Variants in METTL1 observed in about 807,000 individuals in gnomAD.
METTL1 encodes the protein methyltransferase 1, tRNA methylguanosine.
In METTL1, 14 loss-of-function variants were observed where a neutral mutation model predicts 27.7. The ratio of observed to expected loss-of-function variants is 0.51; its 90% confidence interval spans 0.33 to 0.79. METTL1 has a LOEUF of 0.79. Ranked by LOEUF, METTL1 falls within the 30% of genes least tolerant of loss-of-function variation. The pLI, the probability that METTL1 is intolerant of heterozygous loss-of-function variation, is 0.02. For synonymous variants in METTL1, 138 were observed against 137.0 expected (o/e 1.01, Z -0.05); for missense variants, 333 against 359.6 (o/e 0.93, Z 0.60).
At position 57,769,380 on chromosome 12, in the gene METTL1, C is replaced by T; in HGVS notation, c.598G>A (p.Val200Met). Residue 200 changes from valine to methionine, a missense_variant, in exon 5 of 6, where the codon GTG becomes ATG. Val to Met is a conservative substitution (Grantham distance 21, BLOSUM62 1). Transcript: ENST00000324871. Reference sequence around the variant, plus strand: ...CACATCCAGTCGTGTAGCTCCAGCACATCGGTTATGGTATACACCAGCCCC... The same window carrying T: ...CACATCCAGTCGTGTAGCTCCAGCATATCGGTTATGGTATACACCAGCCCC... ...VGGLVYTITD[V>M]LELHDWMCTH... 2 of 1,614,190 alleles carry T rather than the reference C, an allele frequency of 1.2e-6. No homozygotes were observed. The highest frequency in any genetic ancestry group is 1.7e-6 in the Non-Finnish European group (2 of 1,180,050).
chr12:57,769,323 G>A lies in METTL1; in HGVS notation c.655C>T (p.Arg219Cys), dbSNP rs776975890. Residue 219 changes from arginine (R) to cysteine (C), a missense_variant, in exon 5 of 6, where the codon CGT (arginine) becomes TGT (cysteine). Transcript: ENST00000324871. ...CTCACCAGGTCCTCCAGAGGCACAC[G>A]CTCAAACAGTGGGTGCTCTTCGAAA... ...THFEEHPLFE[R>C]VPLEDLSEDP... 49 of 1,613,984 alleles carry A rather than the reference G, an allele frequency of 3.0e-5. No individual in the cohort carries two copies. The highest frequency in any genetic ancestry group is 5.0e-5 in the Admixed American group (3 of 59,982).
At position 57,769,951 on chromosome 12, in the gene METTL1, G is replaced by A. The variant is rs769712951; in HGVS notation, c.280C>T (p.Leu94=). 5 of 1,604,130 alleles carry A rather than the reference G, an allele frequency of 3.1e-6. No homozygotes were observed. The highest frequency in any genetic ancestry group is 3.4e-6 in the Non-Finnish European group (4 of 1,173,992). ...GCGYGGLLVE[L]SPLFPDTLIL... is the part of the protein sequence containing the mutation. Reference sequence around the variant, plus strand: ...AGTGTGTCTGGGAACAGCGGTGACAGTTCCACTGCACACAGAAATAGCAAT... The same window carrying A: ...AGTGTGTCTGGGAACAGCGGTGACAATTCCACTGCACACAGAAATAGCAAT... Residue 94 remains leucine, a synonymous_variant, in exon 3 of 6, where the codon CTG becomes TTG. Coordinates refer to ENST00000324871, the MANE Select transcript of METTL1 (RefSeq NM_005371.6).
chr12:57,769,764 C>T lies in METTL1; in HGVS notation c.459+8G>A. 6.2e-7 allele frequency: 1 copy of T among 1,614,036 alleles called. No individual in the cohort carries two copies. Among genetic ancestry groups the T allele is most frequent in the Non-Finnish European group, 8.5e-7 (1 of 1,179,892 alleles). ...CTACCAGCCTAACCCACCAGGGCCCCTCCCCACCTGGCCCTTGTAGAAGAA... is the reference window on the plus strand; with the variant it reads ...CTACCAGCCTAACCCACCAGGGCCCTTCCCCACCTGGCCCTTGTAGAAGAA... On this transcript the variant is annotated splice_region_variant and intron_variant, in intron 3 of 5. Coordinates refer to ENST00000324871, the MANE Select transcript of METTL1 (RefSeq NM_005371.6).
At chr12:57,771,671 T>C (rs1955434294) in intron 1 of METTL1, 1 of 1,514,416 alleles carries the variant, frequency 6.6e-7, no homozygotes, top group Non-Finnish European at 8.8e-7. Flanking sequence ...TTTTATTAAA[T>C]CCAACAAACA....
chr12:57,771,339 T>A, intron 1 of METTL1, 82 bp from the exon 2 acceptor site: 1 of 1,409,878 alleles, frequency 7.1e-7, no homozygotes. Flanking sequence ...TGTGGGTGGG[T>A]GAGGGTGGGA....
Position 57,771,132 on chromosome 12 carries a change from T to C in METTL1, c.236A>G (p.Glu79Gly). ...KKEKRAQAQV[E>G]FADIGCGYGG... ...ATAGCCACAGCCTATGTCTGCAAAC[T>C]CCACTTGGGCCTGAGCTCTCTTTTC... The change falls in exon 2 of 6, where the codon GAG becomes GGG. Residue 79 changes from glutamate to glycine, a missense_variant. By Grantham distance (98) the Glu-to-Gly change is moderately conservative (BLOSUM62 -2). Transcript: ENST00000324871. 1 of 1,614,126 alleles carries C rather than the reference T, an allele frequency of 6.2e-7. No individual in the cohort carries two copies. Among genetic ancestry groups the C allele is most frequent in the Admixed American group, 1.7e-5 (1 of 60,016 alleles).
chr12:57,771,725 CT>C, intron 1 of METTL1: 1 of 1,405,406 alleles, frequency 7.1e-7, no homozygotes, highest in Non-Finnish European at 9.5e-7. Context: ...TCACTTCAGT[CT>C]CAGTAACAAT....
rs138733919 is a variant in METTL1, at chr12:57,769,924, T to A, written c.307A>T (p.Ile103Phe). The A allele has an allele frequency of 2.5e-6, 4 of 1,612,422 alleles. No individual in the cohort carries two copies. In the African/African-American group the frequency reaches 5.3e-5, roughly 22 times the overall value. Residue 103 changes from isoleucine to phenylalanine, a missense_variant, in exon 3 of 6, where the codon ATT becomes TTT. Transcript: ENST00000324871. ...ELSPLFPDTL[I>F]LGLEIRVKVS... ...TTCACCCGGATCTCCAGACCCAGAA[T>A]AAGTGTGTCTGGGAACAGCGGTGAC...
Position 57,769,670 on chromosome 12 carries a change from C to A in METTL1, c.468G>T (p.Lys156Asn). 1.9e-6 allele frequency: 3 copies of A among 1,571,262 alleles called. No individual in the cohort carries two copies. The South Asian group carries it at 3.5e-5, about 19-fold the overall frequency. ...GTGGGTCGGGGAAGAGGAAGAACAT[C>A]TTTGTCAGCTGTGAGACAGACACAC... ...PNFFYKGQLT[K>N]MFFLFPDPHF... is the part of the protein sequence containing the mutation. Residue 156 changes from lysine to asparagine, a missense_variant, in exon 4 of 6, where the codon AAG becomes AAT. Coordinates refer to ENST00000324871, the MANE Select transcript of METTL1 (RefSeq NM_005371.6).
chr12:57,771,449 T>C (rs560454503), intron 1 of METTL1, 192 bp from the exon 2 acceptor site: 194 of 1,476,530 alleles, frequency 1.3e-4, no homozygotes, highest in Non-Finnish European at 1.6e-4. Context: ...GTGTGAATCA[T>C]AGGACCATCA....
chr12:57,771,616 G>C (rs867808233), intron 1 of METTL1: 5 of 1,535,244 alleles, frequency 3.3e-6, no homozygotes, highest in Non-Finnish European at 4.4e-6. Context: ...CTGCGGGGAG[G>C]GAAGGTAAGG....
chr12:57,771,372 C>T, intron 1 of METTL1, 115 bp from the exon 2 acceptor site: 1 of 1,479,722 alleles, frequency 6.8e-7, no homozygotes, highest in South Asian at 1.4e-5. Context: ...GAGGGTTTCT[C>T]AAAAATTCTG....
rs768323495 is a variant in METTL1, at chr12:57,769,687, C to T, written c.460-9G>A. The T allele has an allele frequency of 1.3e-6, 2 of 1,586,494 alleles. No individual in the cohort carries two copies. The highest frequency in any genetic ancestry group is 1.1e-5 in the South Asian group (1 of 87,782). ...AAGAACATCTTTGTCAGCTGTGAGA[C>T]AGACACACACCAACAGGGTTGTGAG... On this transcript the variant is annotated splice_polypyrimidine_tract_variant and intron_variant, in intron 3 of 5. Transcript: ENST00000324871.
intron 1 of METTL1, chr12:57,771,496 C>T (rs1320375020): frequency 6.6e-7 from 1 of 1,518,824 alleles, no homozygotes; most frequent in East Asian, 2.5e-5. Context: ...AACTCCACTT[C>T]TGGCGGTTGA....
rs779026533 is a variant in METTL1, at chr12:57,768,952, T to C, written c.*44A>G. 8.9e-6 allele frequency: 14 copies of C among 1,579,736 alleles called. No individual in the cohort carries two copies. The highest frequency in any genetic ancestry group is 1.2e-5 in the Non-Finnish European group (14 of 1,155,120). ...AAGACCCAGGACTCCTGCTCTTTTC[T>C]CTAATCCCTGGGAGACGAGGTCCAG... On this transcript the variant is annotated 3_prime_UTR_variant, in exon 6 of 6. Coordinates refer to ENST00000324871, the MANE Select transcript of METTL1 (RefSeq NM_005371.6).
At position 57,771,503 on chromosome 12, in the gene METTL1, T is replaced by C. The variant is rs945358266; in HGVS notation, c.111-246A>G. 15 of 1,522,370 alleles carry C rather than the reference T, an allele frequency of 9.9e-6. No homozygotes were observed. In the African/African-American group the frequency reaches 1.9e-4, roughly 20 times the overall value. The allele number at this position is 1,522,370 out of a possible 1,614,324, so 94.3% of individuals were successfully genotyped here. A position where few individuals can be genotyped will look rare whatever the true frequency, so the allele number is the denominator to read the frequency against. ...ACCTGCCCAACTCCACTTCTGGCGG[T>C]TGATGTGACCCTGGCCGGGTAACTG... On this transcript the variant is annotated intron_variant, in intron 1 of 5. Transcript: ENST00000324871.
In METTL1 at chr12:57,771,500, C is replaced by A. The variant is rs180883428; in HGVS notation, c.111-243G>T. ...CTGACCTGCCCAACTCCACTTCTGG[C>A]GGTTGATGTGACCCTGGCCGGGTAA... is the stretch of plus-strand genomic sequence containing the variant. On this transcript the variant is annotated intron_variant, in intron 1 of 5. Coordinates refer to ENST00000324871, the MANE Select transcript of METTL1 (RefSeq NM_005371.6). The A allele has an allele frequency of 5.5e-3, 8,304 of 1,520,274 alleles. 33 individuals are homozygous for A. Among genetic ancestry groups the A allele is most frequent in the Non-Finnish European group, 6.5e-3 (7,373 of 1,139,336 alleles). The allele number at this position is 1,520,274 out of a possible 1,614,324, so 94.2% of individuals were successfully genotyped here. A position where few individuals can be genotyped will look rare whatever the true frequency, so the allele number is the denominator to read the frequency against.
rs778966424 is a variant in METTL1 at position 57,768,883 on chromosome 12, CTTT to C, written c.*110_*112del. On this transcript the variant is annotated 3_prime_UTR_variant, in exon 6 of 6. Transcript: ENST00000324871. ...TCTGCCCTGGGCAGCTCCCCACCTT[CTTT>C]AAGAGAGTACTGTGTCTCAGCTCCA... 25 of 1,392,384 alleles carry C rather than the reference CTTT, an allele frequency of 1.8e-5. No homozygotes were observed. Among genetic ancestry groups the C allele is most frequent in the Non-Finnish European group, 2.4e-5 (25 of 1,024,174 alleles). The allele number at this position is 1,392,384 out of a possible 1,614,324, so 86.3% of individuals were successfully genotyped here.
chr12:57,769,720 C>A (rs148946550), intron 3 of METTL1, 42 bp from the exon 4 acceptor site: 1 of 1,606,912 alleles, frequency 6.2e-7, no homozygotes, highest in East Asian at 2.2e-5. Flanking sequence ...GAGAGCCTGG[C>A]CTCCATGCCC....
Sources: allele counts gnomAD v4.1 joint callset, GRCh38; gene constraint gnomAD v4.1.1; transcripts MANE v1.5; gene names NCBI Gene and HGNC (gene_info 2026-07-23, HGNC 2026-07-21).